GRB10: variants seen among roughly 807,000 people sequenced by gnomAD.
The protein encoded by GRB10 is growth factor receptor bound protein 10, also known as growth factor receptor-bound protein 10.
Under a neutral mutation model 80.9 loss-of-function variants are expected in GRB10, and 20 were observed. That is an observed-to-expected ratio of 0.25 (90% confidence interval 0.17 to 0.36). The LOEUF is 0.36. Among genes scored for constraint, GRB10 ranks in the 10% least tolerant of loss-of-function variants. The probability of loss-of-function intolerance (pLI) is 1.00; values close to 1 mark genes in which losing one functional copy is unlikely to be tolerated. For synonymous variants in GRB10, 291 were observed against 291.5 expected (o/e 1.00, Z 0.02); for missense variants, 548 against 747.7 (o/e 0.73, Z 3.12).
At chr7:50,747,252 C>G (rs944328749) in intron 3 of GRB10, among the ~76,000 whole-genome samples, 2 of 152,196 alleles carry the variant, frequency 1.3e-5, no homozygotes, top group South Asian at 4.1e-4. Flanking sequence ...TGAGCCCAGG[C>G]GCGGTAGCTG....
chr7:50,619,718 C>G (rs527442461), intron 8 of GRB10, among the ~76,000 whole-genome samples: 1 of 152,280 alleles, frequency 6.6e-6, no homozygotes, highest in African/African-American at 2.4e-5. Context: ...GAGATAGAAG[C>G]TTTTTGATGA....
At chr7:50,737,092 A>C (rs2070924285) in intron 3 of GRB10, among the ~76,000 whole-genome samples, 2 of 152,262 alleles carry the variant, frequency 1.3e-5, no homozygotes, top group Non-Finnish European at 2.9e-5. Flanking sequence ...AAGATTGTAA[A>C]GACAACACAT....
chr7:50,779,419 G>A (rs542070733), intron 2 of GRB10: 2 of 152,306 alleles, frequency 1.3e-5, no homozygotes, highest in East Asian at 3.9e-4. Context: ...GAACTGAAAC[G>A]TGCCAGCTCC....
intron 5 of GRB10, among the ~76,000 whole-genome samples, chr7:50,675,061 G>A (rs1258107281): frequency 6.6e-6 from 1 of 152,198 alleles, no homozygotes; most frequent in East Asian, 1.9e-4. Flanking sequence ...CCAGGATCAG[G>A]ACTCTCCCTT....
At chr7:50,648,209 A>G (rs552524064) in intron 7 of GRB10, among the ~76,000 whole-genome samples, 1 of 152,252 alleles carries the variant, frequency 6.6e-6, no homozygotes, top group South Asian at 2.1e-4. Context: ...TGAGAAGGAA[A>G]GTCCAGCAAA....
chr7:50,593,087 G>A lies in GRB10; in HGVS notation c.1650C>T (p.Asp550=), dbSNP rs779098154. The A allele has an allele frequency of 1.9e-5, 30 of 1,614,158 alleles. No individual in the cohort carries two copies. The highest frequency in any genetic ancestry group is 8.9e-5 in the East Asian group (4 of 44,872). ...KNFQILPCED[D]GQTFFSLDDG... is the part of the protein sequence containing the mutation. ...CATCTAGGCTGAAGAACGTCTGCCC[G>A]TCGTCCTCGCACTGGAGAGACACAA... Residue 550 remains aspartate, a synonymous_variant, in exon 19 of 19, where the codon GAC becomes GAT. Transcript: ENST00000401949.
At chr7:50,638,792 T>C (rs1485900201) in intron 7 of GRB10, among the ~76,000 whole-genome samples, 2 of 152,250 alleles carry the variant, frequency 1.3e-5, no homozygotes, top group Non-Finnish European at 2.9e-5. Context: ...CATGCATCTG[T>C]ATGTTTATCA....
chr7:50,652,574 A>C (rs2282927), intron 7 of GRB10, among the ~76,000 whole-genome samples: 45,580 of 152,002 alleles, frequency 0.3, 7,377 homozygotes, highest in Middle Eastern at 0.5. Context: ...TCACCAGAGA[A>C]AGAGACAAGC....
chr7:50,680,075 A>G (rs774097546), intron 5 of GRB10, among the ~76,000 whole-genome samples: 4 of 152,354 alleles, frequency 2.6e-5, no homozygotes, highest in South Asian at 2.1e-4. Flanking sequence ...CTTCTCTATC[A>G]TATTTATGGT....
chr7:50,649,015 T>G (rs1022689347), intron 7 of GRB10, among the ~76,000 whole-genome samples: 4 of 152,070 alleles, frequency 2.6e-5, no homozygotes, highest in African/African-American at 9.7e-5. Context: ...GGGAGCTGGG[T>G]TCTGATCCTG....
intron 13 of GRB10, among the ~76,000 whole-genome samples, chr7:50,608,928 G>A (rs915884654): frequency 2.1e-5 from 3 of 144,936 alleles, no homozygotes; most frequent in Admixed American, 7.1e-5. Context: ...TCATGCCACC[G>A]TACTCCAGCC....
chr7:50,593,079 G>A lies in GRB10; in HGVS notation c.1658C>T (p.Thr553Met), dbSNP rs777488599. 9.3e-6 allele frequency: 15 copies of A among 1,614,198 alleles called. No individual in the cohort carries two copies. In the African/African-American group the frequency reaches 1.1e-4, roughly 11 times the overall value. Residue 553 changes from threonine to methionine, a missense_variant, in exon 19 of 19, where the codon ACG (threonine) becomes ATG (methionine). Thr to Met is a moderately conservative substitution (Grantham distance 81). This residue lies in a region of GRB10 where 32 missense variants were observed against 66.0 expected (regional missense o/e 0.48). Coordinates refer to ENST00000401949, the MANE Select transcript of GRB10 (RefSeq NM_001350814.2). ...GTTCCCGTCATCTAGGCTGAAGAAC[G>A]TCTGCCCGTCGTCCTCGCACTGGAG... ...QILPCEDDGQ[T>M]FFSLDDGNTK...
intron 5 of GRB10, among the ~76,000 whole-genome samples, chr7:50,677,846 C>T (rs907032779): frequency 2.0e-5 from 3 of 152,168 alleles, no homozygotes; most frequent in Non-Finnish European, 4.4e-5. Flanking sequence ...TGCACACGTG[C>T]GAACATGTCC....
At chr7:50,763,966 C>T (rs765639249) in intron 2 of GRB10, among the ~76,000 whole-genome samples, 2 of 152,250 alleles carry the variant, frequency 1.3e-5, no homozygotes, top group South Asian at 2.1e-4. Context: ...AGGCCTGACG[C>T]GTGTGGCCCC....
Position 50,644,188 on chromosome 7 carries a change from C to G in GRB10, c.505-17210G>C, listed in dbSNP as rs2056782235. Among the ~76,000 whole-genome samples the G allele has an allele frequency of 2.0e-5, 3 of 152,166 alleles. No individual in the cohort carries two copies. In the South Asian group the frequency reaches 6.2e-4, roughly 32 times the overall value. On this transcript the variant is annotated intron_variant, in intron 7 of 18. Transcript: ENST00000401949. ...TCAGCCAGTGTGGCTCAATCACAGA[C>G]TAGGAGCTCAATGGGTTCAACAAAA...
chr7:50,622,684 C>A (rs1347639441), intron 8 of GRB10, among the ~76,000 whole-genome samples: 3 of 152,238 alleles, frequency 2.0e-5, no homozygotes, highest in Admixed American at 6.5e-5. Flanking sequence ...GTGCCCCCCA[C>A]ATTCCCAGGG....
intron 7 of GRB10, among the ~76,000 whole-genome samples, chr7:50,628,321 C>T (rs1422896150): frequency 7.2e-5 from 11 of 152,186 alleles, no homozygotes; most frequent in Admixed American, 7.2e-4. Flanking sequence ...TCCGAGGCTC[C>T]CCGCTCTCTC....
intron 3 of GRB10, among the ~76,000 whole-genome samples, chr7:50,748,259 G>C (rs2073368420): frequency 2.6e-5 from 4 of 152,214 alleles, no homozygotes; most frequent in Admixed American, 2.6e-4. Context: ...CCCTGGAGGA[G>C]GCCCCGTGGC....
intron 10 of GRB10, chr7:50,617,734 G>A (rs956940667): frequency 1.3e-4 from 55 of 411,888 alleles, no homozygotes; most frequent in Admixed American, 1.1e-3. Context: ...GCTCAGAAAG[G>A]AGCTGGGGAG....
Sources: gnomAD v4.1 joint callset for allele counts (sites outside exome capture counted in the v4.1 genomes callset) on GRCh38, gnomAD v4.1.1 for gene constraint, gnomAD v4.1.1 regional missense constraint, MANE v1.5 for transcripts, NCBI Gene and HGNC (gene_info 2026-07-23, HGNC 2026-07-21) for gene names.